Variants in UCN3 observed in about 807,000 individuals in gnomAD.
UCN3 encodes the protein urocortin-3.
UCN3 carries 3 observed loss-of-function variants against 3.6 expected under a neutral mutation model. The observed-to-expected ratio is 0.83, with a 90% CI of 0.38 to 2.15. UCN3 has a LOEUF of 2.15. Among genes scored for constraint, UCN3 ranks in the 30% most tolerant of loss-of-function variants. The probability of loss-of-function intolerance (pLI) is 0.06; values close to 1 mark genes in which losing one functional copy is unlikely to be tolerated. For synonymous variants in UCN3, 100 were observed against 93.2 expected (o/e 1.07, Z -0.42); for missense variants, 206 against 208.3 (o/e 0.99, Z 0.07).
Position 5,370,799 on chromosome 10 carries a change from GTA to G in UCN3, c.-6-2912_-6-2911del, listed in dbSNP as rs1448127517. Among the ~76,000 whole-genome samples, 87 of 141,764 alleles carry G rather than the reference GTA, an allele frequency of 6.1e-4. 8 individuals carry two copies. Among genetic ancestry groups the G allele is most frequent in the Non-Finnish European group, 8.3e-4 (55 of 66,632 alleles). The allele number at this position is 141,764 out of a possible 152,430, so 93.0% of individuals were successfully genotyped here. On this transcript the variant is annotated intron_variant, in intron 1 of 1. Coordinates refer to ENST00000380433, the MANE Select transcript of UCN3 (RefSeq NM_053049.4). Reference sequence around the variant, plus strand: ...TATGCGTGTGTGTGTGTATGCGTGTGTATATGTGTGTGTGCGTGTGTGTGCGC... The same window carrying G: ...TATGCGTGTGTGTGTGTATGCGTGTGTATGTGTGTGTGCGTGTGTGTGCGC...
chr10:5,371,021 A>G (rs201442415), intron 1 of UCN3, among the ~76,000 whole-genome samples: 2,520 of 141,952 alleles, frequency 0.018, 105 homozygotes, highest in East Asian at 0.059. Context: ...GCATATATAT[A>G]CGTGTGTGCA....
intron 1 of UCN3, among the ~76,000 whole-genome samples, chr10:5,368,902 G>A (rs1831292388): frequency 6.6e-6 from 1 of 152,136 alleles, no homozygotes; most frequent in Non-Finnish European, 1.5e-5. Context: ...GTCCAGAGTC[G>A]GGTCAGAGCA....
chr10:5,371,443 G>C (rs956963546), intron 1 of UCN3, among the ~76,000 whole-genome samples: 1 of 152,088 alleles, frequency 6.6e-6, no homozygotes, highest in Non-Finnish European at 1.5e-5. Context: ...TGCGTCCTGT[G>C]TGTGTGTCTG....
rs572471343 is a variant in UCN3 at position 5,370,627 on chromosome 10, G to A, written c.-6-3088G>A. On this transcript the variant is annotated intron_variant, in intron 1 of 1. Transcript: ENST00000380433. ...TGCGTGTGTATATGCGTGTATATGC[G>A]TGTGTATGTGTGTGTATATGTGTGT... Among the ~76,000 whole-genome samples, 17 of 90,894 alleles carry A rather than the reference G, an allele frequency of 1.9e-4. 3 individuals are homozygous for A. The highest frequency in any genetic ancestry group is 3.5e-4 in the Non-Finnish European group (16 of 45,372). The allele number at this position is 90,894 out of a possible 152,430, so 59.6% of individuals were successfully genotyped here. A position where few individuals can be genotyped will look rare whatever the true frequency, so the allele number is the denominator to read the frequency against.
intron 1 of UCN3, among the ~76,000 whole-genome samples, chr10:5,371,477 G>A (rs1831427828): frequency 6.6e-6 from 1 of 152,094 alleles, no homozygotes; most frequent in Non-Finnish European, 1.5e-5. Context: ...TGAAGCAGCG[G>A]GGACTTACAG....
chr10:5,370,180 C>CGT (rs1183288369), intron 1 of UCN3, among the ~76,000 whole-genome samples: 1 of 14,344 alleles, frequency 7.0e-5, no homozygotes, highest in Non-Finnish European at 1.1e-4. Context: ...TGTGTATATG[C>CGT]GTGTGTATAT....
intron 1 of UCN3, among the ~76,000 whole-genome samples, chr10:5,372,240 G>GTT (rs1831440259): frequency 5.9e-5 from 9 of 152,152 alleles, no homozygotes; most frequent in African/African-American, 2.2e-4. Flanking sequence ...TTGATCTCAG[G>GTT]GCACAGGAAG....
chr10:5,369,270 A>T (rs1333468861), intron 1 of UCN3, among the ~76,000 whole-genome samples: 1 of 152,232 alleles, frequency 6.6e-6, no homozygotes, highest in Non-Finnish European at 1.5e-5. Flanking sequence ...TTGTGTATAC[A>T]CAACTGTGTG....
chr10:5,368,162 C>T (rs1834133843), intron 1 of UCN3, among the ~76,000 whole-genome samples: 1 of 152,048 alleles, frequency 6.6e-6, no homozygotes, highest in African/African-American at 2.4e-5. Context: ...TGCCACCACG[C>T]CTGGCTAATT....
In UCN3 at chr10:5,374,050, C is replaced by T; in HGVS notation, c.330C>T (p.Asp110=). ...AGCCCAGGGGAAAGCCACGCCAGGA[C>T]ACGGCCAAGAGTCCCCACCGCACCA... is the stretch of plus-strand genomic sequence containing the variant. The part of the protein sequence containing the change: ...QAQPRGKPRQ[D]TAKSPHRTKF... Residue 110 remains aspartate, a synonymous_variant, in exon 2 of 2, where the codon GAC becomes GAT. Transcript: ENST00000380433. 1 of 1,613,170 alleles carries T rather than the reference C, an allele frequency of 6.2e-7. No homozygotes were observed. The highest frequency in any genetic ancestry group is 2.2e-5 in the East Asian group (1 of 44,836).
intron 1 of UCN3, among the ~76,000 whole-genome samples, chr10:5,370,294 TATGC>T (rs1433578033): frequency 1.1e-5 from 1 of 87,230 alleles, no homozygotes. Flanking sequence ...TGCGTGTGTG[TATGC>T]GTGTGTATAT....
rs75198646 is a variant in UCN3, at chr10:5,365,698, C to T, written c.-7+468C>T. The stretch of plus-strand genomic sequence containing the variant: ...CCTGTGCCACAAACCTTCACCTGTG[C>T]CATCTCCCGTCACTCTCGGGCACAC... On this transcript the variant is annotated intron_variant, in intron 1 of 1. Transcript: ENST00000380433. The surrounding 1 kb of genome is among the most constrained non-coding windows in gnomAD (Gnocchi z 4.4). Among the ~76,000 whole-genome samples, 2 of 152,320 alleles carry T rather than the reference C, an allele frequency of 1.3e-5. No homozygotes were observed. The highest frequency in any genetic ancestry group is 1.9e-4 in the East Asian group (1 of 5,178).
rs1290858866 is a variant in UCN3, at chr10:5,373,731, C to A, written c.11C>A (p.Pro4Gln). The A allele has an allele frequency of 6.2e-7, 1 of 1,613,454 alleles. No homozygotes were observed. Among genetic ancestry groups the A allele is most frequent in the Non-Finnish European group, 8.5e-7 (1 of 1,179,600 alleles). The change falls in exon 2 of 2, where the codon CCG becomes CAG. Residue 4 changes from proline (P) to glutamine (Q), a missense_variant. Physicochemically the swap from Pro to Gln is moderately conservative, Grantham distance 76 (BLOSUM62 -1). Coordinates refer to ENST00000380433, the MANE Select transcript of UCN3 (RefSeq NM_053049.4). MLM[P>Q]VHFLLLLLLL... ...CTGCTGCAGGGAGAGATGCTGATGC[C>A]GGTCCACTTCCTGCTGCTCCTGCTG... is the stretch of plus-strand genomic sequence containing the variant.
intron 1 of UCN3, among the ~76,000 whole-genome samples, chr10:5,372,833 G>A (rs558161422): frequency 6.3e-4 from 95 of 151,688 alleles, no homozygotes; most frequent in African/African-American, 2.3e-3. Context: ...GGGATTACAG[G>A]TGTGAGCCAC....
Position 5,374,507 on chromosome 10 carries a change from C to T in UCN3, c.*301C>T, listed in dbSNP as rs115241755. 7.4e-3 allele frequency: 2,366 copies of T among 320,054 alleles called. 47 individuals carry two copies. Among genetic ancestry groups the T allele is most frequent in the African/African-American group, 0.046 (2,194 of 47,296 alleles). 19.8% of individuals were successfully genotyped at this position (320,054 alleles called of 1,614,324 possible). A position where few individuals can be genotyped will look rare whatever the true frequency, so the allele number is the denominator to read the frequency against. On this transcript the variant is annotated 3_prime_UTR_variant, in exon 2 of 2. Coordinates refer to ENST00000380433, the MANE Select transcript of UCN3 (RefSeq NM_053049.4). ...CTTCCTCCCTCCCCACAGCAAGAGG[C>T]AAAGTTCATGCATTCCTCCTCTCCA...
At chr10:5,372,181 G>GT (rs1831438138) in intron 1 of UCN3, among the ~76,000 whole-genome samples, 1 of 152,236 alleles carries the variant, frequency 6.6e-6, no homozygotes, top group South Asian at 2.1e-4. Context: ...GCTGGGGAGA[G>GT]TGTGTGCCCG....
chr10:5,374,241 G>C lies in UCN3; in HGVS notation c.*35G>C, dbSNP rs782089555. On this transcript the variant is annotated 3_prime_UTR_variant, in exon 2 of 2. Coordinates refer to ENST00000380433, the MANE Select transcript of UCN3 (RefSeq NM_053049.4). ...CTGGACGGGAGGGCAGCGGGGTGGG[G>C]AGGGGGAGGGGAGGGGGAGGGGAGG... The C allele has an allele frequency of 8.9e-6, 5 of 559,806 alleles. No individual in the cohort carries two copies. The African/African-American group carries it at 9.9e-5, about 11-fold the overall frequency. The allele number at this position is 559,806 out of a possible 1,614,324, so 34.7% of individuals were successfully genotyped here.
Position 5,373,759 on chromosome 10 carries a change from G to A in UCN3, c.39G>A (p.Leu13=), listed in dbSNP as rs1554811755. Residue 13 remains leucine, a synonymous_variant, in exon 2 of 2, where the codon CTG becomes CTA. Transcript: ENST00000380433. ...TCCACTTCCTGCTGCTCCTGCTGCT[G>A]CTCCTGGGGGGCCCCAGGACAGGCC... is the stretch of plus-strand genomic sequence containing the variant. ...MPVHFLLLLL[L]LLGGPRTGLP... 2 of 1,613,820 alleles carry A rather than the reference G, an allele frequency of 1.2e-6. No homozygotes were observed. Among genetic ancestry groups the A allele is most frequent in the Non-Finnish European group, 8.5e-7 (1 of 1,179,888 alleles).
intron 1 of UCN3, among the ~76,000 whole-genome samples, chr10:5,370,828 CGTGTGTGTGCGCGT>C (rs1216402355): frequency 1.8e-4 from 9 of 48,856 alleles, no homozygotes; most frequent in African/African-American, 6.7e-4. Flanking sequence ...TGTGTGCGCG[CGTGTGTGTGCGCGT>C]GTGTGTGCGC....
Sources: gnomAD v4.1 joint callset for allele counts (sites outside exome capture counted in the v4.1 genomes callset) on GRCh38, gnomAD v4.1.1 for gene constraint, Gnocchi (gnomAD v3.1) non-coding constraint, MANE v1.5 for transcripts, NCBI Gene and HGNC (gene_info 2026-07-23, HGNC 2026-07-21) for gene names.